SPOCK1: variants seen among roughly 807,000 people sequenced by gnomAD.
SPOCK1 encodes the protein testican-1.
A neutral mutation model predicts 55.3 loss-of-function variants in SPOCK1; 23 were observed. The ratio of observed to expected loss-of-function variants is 0.42; its 90% CI spans 0.30 to 0.59. The LOEUF (loss-of-function observed/expected upper bound fraction) is 0.59, where lower values mean the gene tolerates loss of function less well. Among genes scored for constraint, SPOCK1 ranks in the 20% least tolerant of loss-of-function variants. The pLI, the probability that SPOCK1 is intolerant of heterozygous loss-of-function variation, is 0.22. For synonymous variants in SPOCK1, 226 were observed against 221.0 expected (o/e 1.02, Z -0.20); for missense variants, 499 against 552.5 (o/e 0.90, Z 0.97).
chr5:137,216,432 C>T (rs921665897), intron 3 of SPOCK1, among the ~76,000 whole-genome samples: 17 of 152,118 alleles, frequency 1.1e-4, no homozygotes, highest in Non-Finnish European at 8.8e-5. Context: ...ACAGTAAGGC[C>T]GGGTGCAGTG....
In SPOCK1 at chr5:137,210,956, A is replaced by G. The variant is rs17722123; in HGVS notation, c.232+56054T>C. Among the ~76,000 whole-genome samples, 1,200 of 152,288 alleles carry G rather than the reference A, an allele frequency of 7.9e-3. 14 individuals carry two copies. The highest frequency in any genetic ancestry group is 0.034 in the Middle Eastern group (10 of 294). Reference sequence around the variant, plus strand: ...AAGCCAATCAGCTATAATTCTCTGTAATGAGCCAAAACAATATGGAAACAC... The same window carrying G: ...AAGCCAATCAGCTATAATTCTCTGTGATGAGCCAAAACAATATGGAAACAC... On this transcript the variant is annotated intron_variant, in intron 3 of 10. Coordinates refer to ENST00000394945, the MANE Select transcript of SPOCK1 (RefSeq NM_004598.4).
Position 137,399,591 on chromosome 5 carries a change from A to G in SPOCK1, c.186+98782T>C, listed in dbSNP as rs563210974. Among the ~76,000 whole-genome samples, 29 of 152,180 alleles carry G rather than the reference A, an allele frequency of 1.9e-4. No individual in the cohort carries two copies. The East Asian group carries it at 5.4e-3, about 28-fold the overall frequency. ...TTATTCCATGCAGAGATTGACCACC[A>G]CCACCACAGCTCCCAGCCAAGAGAT... On this transcript the variant is annotated intron_variant, in intron 2 of 10. Coordinates refer to ENST00000394945, the MANE Select transcript of SPOCK1 (RefSeq NM_004598.4).
chr5:137,252,999 T>C (rs547358573), intron 3 of SPOCK1, among the ~76,000 whole-genome samples: 95 of 152,262 alleles, frequency 6.2e-4, no homozygotes, highest in African/African-American at 2.1e-3. Context: ...CCATTCTTTA[T>C]TCACCCGCTA....
At chr5:137,397,241 T>C (rs1276039260) in intron 2 of SPOCK1, among the ~76,000 whole-genome samples, 3 of 152,126 alleles carry the variant, frequency 2.0e-5, no homozygotes, top group Non-Finnish European at 4.4e-5. Context: ...GCATCCCACC[T>C]AGCAAGGGCT....
At chr5:137,375,951 C>G (rs1751304698) in intron 2 of SPOCK1, among the ~76,000 whole-genome samples, 1 of 152,208 alleles carries the variant, frequency 6.6e-6, no homozygotes, top group African/African-American at 2.4e-5. Context: ...AGAATGCTCC[C>G]TTCCTCTGCG....
intron 6 of SPOCK1, among the ~76,000 whole-genome samples, chr5:137,018,640 CT>C (rs1305265793): frequency 2.6e-5 from 4 of 152,144 alleles, no homozygotes; most frequent in Non-Finnish European, 4.4e-5. Flanking sequence ...TGCTCTGCCC[CT>C]CTCCTTCTTA....
At chr5:137,144,015 G>C (rs763899701) in intron 3 of SPOCK1, among the ~76,000 whole-genome samples, 4 of 152,110 alleles carry the variant, frequency 2.6e-5, no homozygotes, top group Non-Finnish European at 5.9e-5. Context: ...AGGCTTTGGG[G>C]GCAGAATGAG....
At chr5:137,067,040 A>G (rs1752521485) in intron 6 of SPOCK1, among the ~76,000 whole-genome samples, 1 of 151,776 alleles carries the variant, frequency 6.6e-6, no homozygotes, top group Non-Finnish European at 1.5e-5. Flanking sequence ...AAAGCCAACT[A>G]CAGCTGAGAA....
chr5:137,099,578 G>GTATA (rs34194618), intron 5 of SPOCK1, among the ~76,000 whole-genome samples: 1 of 150,178 alleles, frequency 6.7e-6, no homozygotes, highest in Non-Finnish European at 1.5e-5. Context: ...ATATGTGTGT[G>GTATA]TATATATATA....
At chr5:137,063,716 G>A (rs921288074) in intron 6 of SPOCK1, among the ~76,000 whole-genome samples, 3 of 152,226 alleles carry the variant, frequency 2.0e-5, no homozygotes, top group Non-Finnish European at 4.4e-5. Context: ...GGGAAGAGGT[G>A]ATTCTGAAAC....
chr5:137,137,784 C>T (rs1331022862), intron 4 of SPOCK1, among the ~76,000 whole-genome samples: 1 of 152,234 alleles, frequency 6.6e-6, no homozygotes, highest in Non-Finnish European at 1.5e-5. Flanking sequence ...GGGACCAAGG[C>T]ACCTGTAGTG....
chr5:137,039,270 C>CA (rs1751943299), intron 6 of SPOCK1, among the ~76,000 whole-genome samples: 1 of 88,900 alleles, frequency 1.1e-5, no homozygotes, highest in Admixed American at 1.6e-4. Context: ...GCCTGCCACA[C>CA]TTTTTTTTTT....
intron 4 of SPOCK1, among the ~76,000 whole-genome samples, chr5:137,118,651 A>G (rs1429767886): frequency 1.3e-5 from 2 of 152,218 alleles, no homozygotes; most frequent in Non-Finnish European, 2.9e-5. Flanking sequence ...ACAGGTGTAA[A>G]TTTCCTGACA....
intron 3 of SPOCK1, among the ~76,000 whole-genome samples, chr5:137,203,738 A>T (rs1755469198): frequency 6.6e-6 from 1 of 152,218 alleles, no homozygotes; most frequent in African/African-American, 2.4e-5. Flanking sequence ...TATTTGCTTT[A>T]TCCGGCTTAC....
intron 3 of SPOCK1, among the ~76,000 whole-genome samples, chr5:137,146,590 G>A (rs997154552): frequency 3.3e-5 from 5 of 152,214 alleles, no homozygotes; most frequent in African/African-American, 1.2e-4. Context: ...GTCAAGCTAT[G>A]AGCAGGAACA....
chr5:137,264,140 A>T (rs1194755636), intron 3 of SPOCK1, among the ~76,000 whole-genome samples: 2 of 152,140 alleles, frequency 1.3e-5, no homozygotes, highest in Non-Finnish European at 2.9e-5. Context: ...ACCACCGGTG[A>T]CAGCCAGAGC....
intron 2 of SPOCK1, among the ~76,000 whole-genome samples, chr5:137,458,411 G>C (rs1020624735): frequency 6.6e-6 from 1 of 152,116 alleles, no homozygotes; most frequent in African/African-American, 2.4e-5. Flanking sequence ...TTTGTAATAA[G>C]AGAAACAAAT....
Position 137,239,761 on chromosome 5 carries a change from A to G in SPOCK1, c.232+27249T>C, listed in dbSNP as rs558616682. Among the ~76,000 whole-genome samples, 22 of 152,338 alleles carry G rather than the reference A, an allele frequency of 1.4e-4. No homozygotes were observed. In the South Asian group the frequency reaches 4.6e-3, roughly 32 times the overall value. The stretch of plus-strand genomic sequence containing the variant: ...TTAACAGACAAGAAAAATCAAGATC[A>G]AAATAAGACAAGGGAATTCACTACC... On this transcript the variant is annotated intron_variant, in intron 3 of 10. Coordinates refer to ENST00000394945, the MANE Select transcript of SPOCK1 (RefSeq NM_004598.4).
chr5:137,074,547 G>A (rs188365317), intron 5 of SPOCK1, among the ~76,000 whole-genome samples: 15 of 152,240 alleles, frequency 9.9e-5, no homozygotes, highest in South Asian at 8.3e-4. Context: ...ACTGAGTTTC[G>A]CTCTTATTGC....
Sources: gnomAD v4.1 joint callset for allele counts (sites outside exome capture counted in the v4.1 genomes callset) on GRCh38, gnomAD v4.1.1 for gene constraint, MANE v1.5 for transcripts, NCBI Gene and HGNC (gene_info 2026-07-23, HGNC 2026-07-21) for gene names.